SORCS2: variants seen among roughly 807,000 people sequenced by gnomAD.
SORCS2 encodes the protein VPS10 domain-containing receptor SorCS2.
Under a neutral mutation model 141.6 loss-of-function variants are expected in SORCS2, and 100 were observed. The observed-to-expected ratio is 0.71, with a 90% CI of 0.60 to 0.83. The LOEUF is 0.83. Ranked by LOEUF, SORCS2 falls within the 40% of genes least tolerant of loss-of-function variation. The pLI is 0.00. For synonymous variants in SORCS2, 789 were observed against 676.9 expected, an observed-to-expected ratio of 1.17 and a Z score of -2.57; for missense variants, 1,646 against 1,560.2, an observed-to-expected ratio of 1.05 and a Z score of -0.93.
At position 7,718,193 on chromosome 4, in the gene SORCS2, C is replaced by A; in HGVS notation, c.2424+10C>A. On this transcript the variant is annotated intron_variant, in intron 18 of 26. Coordinates refer to ENST00000507866, the MANE Select transcript of SORCS2 (RefSeq NM_020777.3). ...GGTGCGGCAGGAGCAGGTGAGTGAG[C>A]ACCTCCCAGCAGGCTCCTGGGACTG... is the stretch of plus-strand genomic sequence containing the variant. 6.2e-7 allele frequency: 1 copy of A among 1,606,284 alleles called. No individual in the cohort carries two copies. The highest frequency in any genetic ancestry group is 2.2e-5 in the East Asian group (1 of 44,598).
intron 9 of SORCS2, among the ~76,000 whole-genome samples, chr4:7,681,097 C>G (rs888802938): frequency 3.3e-5 from 5 of 152,118 alleles, no homozygotes; most frequent in African/African-American, 4.8e-5. Context: ...ACTTTGGAAA[C>G]CTTGATGGGG....
At chr4:7,694,850 C>T (rs1011313454) in intron 11 of SORCS2, among the ~76,000 whole-genome samples, 5 of 152,260 alleles carry the variant, frequency 3.3e-5, no homozygotes, top group Admixed American at 6.5e-5. Context: ...CTCCCTCTTC[C>T]TTGGACACCC....
chr4:7,686,861 G>T (rs1257489508), intron 10 of SORCS2, among the ~76,000 whole-genome samples: 1 of 152,232 alleles, frequency 6.6e-6, no homozygotes, highest in East Asian at 1.9e-4. Context: ...GCCGCAAGGC[G>T]AATGCAAAAG....
chr4:7,211,781 G>T (rs1268757129), intron 1 of SORCS2, among the ~76,000 whole-genome samples: 1 of 152,090 alleles, frequency 6.6e-6, no homozygotes, highest in African/African-American at 2.4e-5. Context: ...GAGAGGAGGG[G>T]TTGGGGGCTC....
chr4:7,253,128 C>T (rs1292888759), intron 1 of SORCS2, among the ~76,000 whole-genome samples: 9 of 152,252 alleles, frequency 5.9e-5, no homozygotes, highest in African/African-American at 2.2e-4. Flanking sequence ...TCCTGGTGAT[C>T]ACAAAGCCTG....
intron 1 of SORCS2, among the ~76,000 whole-genome samples, chr4:7,341,373 A>G (rs73210406): frequency 6.6e-6 from 1 of 152,112 alleles, no homozygotes; most frequent in Non-Finnish European, 1.5e-5. Flanking sequence ...AGTCCTGCAA[A>G]TGGAGCAATC....
chr4:7,302,964 C>T (rs747177366), intron 1 of SORCS2, among the ~76,000 whole-genome samples: 9 of 152,152 alleles, frequency 5.9e-5, no homozygotes, highest in South Asian at 2.1e-4. Context: ...GCGTGGGGGC[C>T]GCAGCCAAGC....
intron 3 of SORCS2, among the ~76,000 whole-genome samples, chr4:7,564,152 A>T (rs1312050083): frequency 6.6e-6 from 1 of 152,204 alleles, no homozygotes; most frequent in Non-Finnish European, 1.5e-5. Context: ...CTTGTGGGCC[A>T]TGAGGCTGCA....
intron 3 of SORCS2, among the ~76,000 whole-genome samples, chr4:7,632,207 G>A (rs1290438330): frequency 1.3e-5 from 2 of 152,154 alleles, no homozygotes; most frequent in African/African-American, 2.4e-5. Context: ...TCAGAATTAG[G>A]CTTCAAATAA....
intron 3 of SORCS2, among the ~76,000 whole-genome samples, chr4:7,565,800 A>G (rs944565050): frequency 1.3e-5 from 2 of 149,602 alleles, no homozygotes; most frequent in African/African-American, 4.9e-5. Flanking sequence ...TATGATGATG[A>G]TGGTGATGAT....
intron 1 of SORCS2, among the ~76,000 whole-genome samples, chr4:7,328,853 T>G (rs1015844057): frequency 6.6e-6 from 1 of 152,204 alleles, no homozygotes; most frequent in Non-Finnish European, 1.5e-5. Flanking sequence ...CCTTCCGGCC[T>G]GAGGATGAGC....
At chr4:7,382,185 G>C (rs974289973) in intron 1 of SORCS2, among the ~76,000 whole-genome samples, 2 of 152,192 alleles carry the variant, frequency 1.3e-5, no homozygotes, top group African/African-American at 4.8e-5. Flanking sequence ...GGGCAAAGCT[G>C]ATGGTGCCTG....
chr4:7,620,128 C>A (rs986215131), intron 3 of SORCS2, among the ~76,000 whole-genome samples: 6 of 152,050 alleles, frequency 3.9e-5, no homozygotes, highest in Admixed American at 3.9e-4. Flanking sequence ...CTCCTGAGCA[C>A]CCCCAGCACC....
intron 4 of SORCS2, among the ~76,000 whole-genome samples, chr4:7,647,045 G>A (rs1045764533): frequency 2.0e-5 from 3 of 152,164 alleles, no homozygotes; most frequent in African/African-American, 7.2e-5. Context: ...GTGGAGATGT[G>A]GAGCTGGGAA....
chr4:7,327,157 G>T (rs1022528977), intron 1 of SORCS2, among the ~76,000 whole-genome samples: 14 of 152,228 alleles, frequency 9.2e-5, no homozygotes, highest in African/African-American at 3.1e-4. Flanking sequence ...GTTCCACCGA[G>T]CTGGGGGCGT....
intron 2 of SORCS2, among the ~76,000 whole-genome samples, chr4:7,488,112 G>T (rs1022646955): frequency 2.6e-5 from 4 of 152,186 alleles, no homozygotes; most frequent in Non-Finnish European, 5.9e-5. Flanking sequence ...GGAAATTAAG[G>T]CAATCTTGGC....
intron 1 of SORCS2, among the ~76,000 whole-genome samples, chr4:7,340,800 T>C (rs908123062): frequency 1.3e-5 from 2 of 152,262 alleles, no homozygotes; most frequent in Non-Finnish European, 2.9e-5. Context: ...ATTCCCATCC[T>C]GCGCTTGGGA....
At chr4:7,516,760 C>G (rs1017228199) in intron 2 of SORCS2, among the ~76,000 whole-genome samples, 3 of 152,220 alleles carry the variant, frequency 2.0e-5, no homozygotes, top group Non-Finnish European at 4.4e-5. Context: ...GGGAGCCTCC[C>G]CTTCTCGGCA....
chr4:7,562,404 G>A (rs145013248), intron 3 of SORCS2, among the ~76,000 whole-genome samples: 31 of 152,290 alleles, frequency 2.0e-4, no homozygotes, highest in Non-Finnish European at 3.7e-4. Context: ...GATGGCCTGG[G>A]ATGAGGCTGG....
Sources: gnomAD v4.1 joint callset for allele counts (sites outside exome capture counted in the v4.1 genomes callset) on GRCh38, gnomAD v4.1.1 for gene constraint, MANE v1.5 for transcripts, NCBI Gene and HGNC (gene_info 2026-07-23, HGNC 2026-07-21) for gene names.